Variants in SOX5 observed in about 807,000 individuals in gnomAD.
SOX5 encodes the protein transcription factor SOX-5.
In SOX5, 9 loss-of-function variants were observed where a neutral mutation model predicts 92.0. The observed-to-expected ratio is 0.10, with a 90% CI of 0.06 to 0.17. The LOEUF is 0.17. SOX5 is among the 10% of genes least tolerant of loss of function. The pLI is 1.00. For missense variants in SOX5, 642 were observed against 944.5 expected (o/e 0.68, Z 4.20); for synonymous variants, 344 against 336.3 (o/e 1.02, Z -0.25).
intron 2 of SOX5, among the ~76,000 whole-genome samples, chr12:24,280,501 A>G (rs1945040936): frequency 6.6e-6 from 1 of 152,186 alleles, no homozygotes; most frequent in South Asian, 2.1e-4. Flanking sequence ...CTTTCACTTA[A>G]TAGTGAATTC....
chr12:24,263,978 A>C (rs1159692394), intron 3 of SOX5, among the ~76,000 whole-genome samples: 1 of 152,200 alleles, frequency 6.6e-6, no homozygotes, highest in Non-Finnish European at 1.5e-5. Flanking sequence ...TATTCCAAAA[A>C]CTTTTTACAC....
intron 4 of SOX5, among the ~76,000 whole-genome samples, chr12:24,089,486 A>G (rs549088746): frequency 6.6e-6 from 1 of 152,294 alleles, no homozygotes; most frequent in South Asian, 2.1e-4. Context: ...TGTATACATG[A>G]CTATACATGC....
At chr12:24,055,080 A>G (rs973379180) in intron 4 of SOX5, among the ~76,000 whole-genome samples, 1 of 152,252 alleles carries the variant, frequency 6.6e-6, no homozygotes, top group African/African-American at 2.4e-5. Flanking sequence ...ATAAAAAGAT[A>G]GCTTTTATTT....
intron 3 of SOX5, among the ~76,000 whole-genome samples, chr12:24,244,048 T>TAAAAA (rs3031151): frequency 7.6e-6 from 1 of 131,600 alleles, no homozygotes. Flanking sequence ...GGCATATTGA[T>TAAAAA]AAAAAAAAAA....
At chr12:23,736,551 C>A (rs530944314) in intron 5 of SOX5, among the ~76,000 whole-genome samples, 114 of 152,120 alleles carry the variant, frequency 7.5e-4, no homozygotes, top group Non-Finnish European at 1.5e-3. Flanking sequence ...AACAAAAGAA[C>A]CCATGTGATG....
chr12:24,031,924 C>T (rs1176549315), intron 4 of SOX5, among the ~76,000 whole-genome samples: 1 of 151,806 alleles, frequency 6.6e-6, no homozygotes, highest in Non-Finnish European at 1.5e-5. Context: ...TTATCTTATG[C>T]ATAGGCATGA....
Position 24,018,654 on chromosome 12 carries a change from G to A in SOX5, c.-1-122630C>T, listed in dbSNP as rs573187343. ...AAAATACAAAATACAAAAACTAGCT[G>A]GGCATGGTGGCATGTGCCAATAATC... On this transcript the variant is annotated intron_variant, in intron 4 of 4. Coordinates refer to the SOX5 transcript ENST00000446891. 6.6e-5 allele frequency among the ~76,000 whole-genome samples: 10 copies of A among 152,174 alleles called. No individual in the cohort carries two copies. In the East Asian group the frequency reaches 1.9e-3, roughly 29 times the overall value.
chr12:23,719,750 G>A (rs1377786856), intron 6 of SOX5, among the ~76,000 whole-genome samples: 1 of 123,770 alleles, frequency 8.1e-6, no homozygotes, highest in Non-Finnish European at 1.6e-5. Flanking sequence ...GGGCAACAGA[G>A]TGAGACCCTG....
intron 1 of SOX5, among the ~76,000 whole-genome samples, chr12:24,399,517 C>A (rs539382069): frequency 9.2e-5 from 14 of 152,116 alleles, no homozygotes; most frequent in African/African-American, 3.4e-4. Context: ...ATTATAAAAC[C>A]GTGAGTACAA....
intron 4 of SOX5, among the ~76,000 whole-genome samples, chr12:23,975,948 G>A (rs772535921): frequency 6.6e-6 from 1 of 152,098 alleles, no homozygotes; most frequent in African/African-American, 2.4e-5. Flanking sequence ...TCTTCTAGCT[G>A]TAGACATCAA....
intron 3 of SOX5, among the ~76,000 whole-genome samples, chr12:23,778,220 T>G (rs576797883): frequency 6.6e-6 from 1 of 152,352 alleles, no homozygotes; most frequent in Non-Finnish European, 1.5e-5. Context: ...GACTTTAATA[T>G]GCACATCTAG....
At chr12:24,423,383 A>G (rs1966226454) in intron 1 of SOX5, among the ~76,000 whole-genome samples, 1 of 152,234 alleles carries the variant, frequency 6.6e-6, no homozygotes. Flanking sequence ...TGATTTCCTC[A>G]AATCTACTTT....
intron 4 of SOX5, among the ~76,000 whole-genome samples, chr12:24,199,492 C>A (rs1957318506): frequency 1.3e-5 from 2 of 152,306 alleles, no homozygotes; most frequent in Admixed American, 6.5e-5. Flanking sequence ...GTGAAAGCTT[C>A]TAACCTCAAC....
At chr12:24,353,431 C>T (rs760498318) in intron 2 of SOX5, among the ~76,000 whole-genome samples, 1 of 152,194 alleles carries the variant, frequency 6.6e-6, no homozygotes, top group Non-Finnish European at 1.5e-5. Context: ...ACAGCTCTCA[C>T]ACTCCTCTTC....
chr12:23,692,306 C>T (rs370817818), intron 6 of SOX5, among the ~76,000 whole-genome samples: 48 of 151,730 alleles, frequency 3.2e-4, no homozygotes, highest in African/African-American at 8.7e-4. Flanking sequence ...GCATGGCAGC[C>T]GGCGCCTGTA....
intron 3 of SOX5, among the ~76,000 whole-genome samples, chr12:23,787,369 T>C (rs1360900015): frequency 6.6e-6 from 1 of 151,972 alleles, no homozygotes; most frequent in African/African-American, 2.4e-5. Flanking sequence ...GAAAGAATTT[T>C]GGTCTCACTT....
intron 4 of SOX5, among the ~76,000 whole-genome samples, chr12:24,018,412 A>G (rs1953911080): frequency 1.3e-5 from 2 of 152,222 alleles, no homozygotes; most frequent in Admixed American, 1.3e-4. Flanking sequence ...TTGTGATGAA[A>G]TTATTAGAAT....
chr12:24,468,213 A>G (rs1351697094), intron 1 of SOX5, among the ~76,000 whole-genome samples: 12 of 152,164 alleles, frequency 7.9e-5, no homozygotes, highest in Non-Finnish European at 1.5e-4. Flanking sequence ...GGATTTCAGC[A>G]TGGGCTCCAT....
At chr12:23,747,938 G>T in intron 4 of SOX5, among the ~76,000 whole-genome samples, 1 of 142,390 alleles carries the variant, frequency 7.0e-6, no homozygotes, top group Non-Finnish European at 1.5e-5. Context: ...CCTTCAGATA[G>T]CTTAAATTTA....
Sources: gnomAD v4.1 joint callset for allele counts (sites outside exome capture counted in the v4.1 genomes callset) on GRCh38, gnomAD v4.1.1 for gene constraint, MANE v1.5 for transcripts, NCBI Gene and HGNC (gene_info 2026-07-23, HGNC 2026-07-21) for gene names.